Variants in ATP2B2 observed in about 807,000 individuals in gnomAD.
ATP2B2 encodes the protein plasma membrane calcium-transporting ATPase 2.
In ATP2B2, 15 loss-of-function variants were observed where a neutral mutation model predicts 120.0. The observed-to-expected ratio is 0.12, with a 90% CI of 0.08 to 0.19. The LOEUF (loss-of-function observed/expected upper bound fraction) is 0.19. Among genes scored for constraint, ATP2B2 ranks in the 10% least tolerant of loss-of-function variants. ATP2B2 has a pLI of 1.00. For missense variants in ATP2B2, 1,045 were observed against 1,719.8 expected (o/e 0.61, Z 6.94); for synonymous variants, 694 against 700.3 (o/e 0.99, Z 0.14).
At position 10,375,409 on chromosome 3, in the gene ATP2B2, C is replaced by A; in HGVS notation, c.1416+21G>T. ...GCTGCAGCTGCATCAGCCGGCTGGT[C>A]CTGCTCTCCTCCCCTCTCACCTTCA... is the stretch of plus-strand genomic sequence containing the variant. On this transcript the variant is annotated intron_variant, in intron 11 of 22. Transcript: ENST00000360273. The surrounding 1 kb of genome is among the most constrained non-coding windows in gnomAD (Gnocchi z 4.2). 6.3e-7 allele frequency: 1 copy of A among 1,598,670 alleles called. No individual in the cohort carries two copies. The highest frequency in any genetic ancestry group is 1.1e-5 in the South Asian group (1 of 90,728).
intron 5 of ATP2B2, among the ~76,000 whole-genome samples, chr3:10,389,156 T>C (rs560478465): frequency 7.9e-5 from 12 of 152,348 alleles, no homozygotes; most frequent in African/African-American, 2.9e-4. Flanking sequence ...ACCCTGACAT[T>C]CTTTCCAGGG....
At chr3:10,689,662 A>G (rs1365122042) in intron 1 of ATP2B2, among the ~76,000 whole-genome samples, 6 of 152,112 alleles carry the variant, frequency 3.9e-5, no homozygotes, top group Admixed American at 2.6e-4. Context: ...AGCTCTCACC[A>G]TCCTCCTCAT....
rs532305088 is a variant in ATP2B2 at position 10,635,505 on chromosome 3, C to G, written c.-459-15544G>C. Among the ~76,000 whole-genome samples, 6 of 152,264 alleles carry G rather than the reference C, an allele frequency of 3.9e-5. No individual in the cohort carries two copies. The South Asian group carries it at 1.2e-3, about 32-fold the overall frequency. ...CCATCCTGCTTACGTGCCAGAGACT[C>G]TAAAGCCCATCCTGTTCCCCTCTCC... is the stretch of plus-strand genomic sequence containing the variant. On this transcript the variant is annotated intron_variant, in intron 1 of 21. Coordinates refer to the ATP2B2 transcript ENST00000646379. This position sits in a 1 kb window ranked among gnomAD's most constrained non-coding sequence, Gnocchi z 4.3.
intron 2 of ATP2B2, among the ~76,000 whole-genome samples, chr3:10,446,577 G>T (rs1559348560): frequency 6.6e-6 from 1 of 152,186 alleles, no homozygotes; most frequent in Non-Finnish European, 1.5e-5. Context: ...GCAAAGCTGG[G>T]ATTTGAACCT....
intron 14 of ATP2B2, among the ~76,000 whole-genome samples, chr3:10,355,064 G>A (rs1280298049): frequency 6.6e-6 from 1 of 151,996 alleles, no homozygotes; most frequent in Non-Finnish European, 1.5e-5. Context: ...AGAGGGGGCA[G>A]GAATGACCTA....
rs1267757403 is a variant in ATP2B2 at position 10,653,702 on chromosome 3, C to G, written c.-459-33741G>C. On this transcript the variant is annotated intron_variant, in intron 1 of 21. Coordinates refer to the ATP2B2 transcript ENST00000646379. ...TTACTTGATCTAATCTTCACTCTAT[C>G]TCCATAAGGCATGTGCCATTATTGC... Among the ~76,000 whole-genome samples, 4 of 152,208 alleles carry G rather than the reference C, an allele frequency of 2.6e-5. No individual in the cohort carries two copies. In the South Asian group the frequency reaches 8.3e-4, roughly 32 times the overall value.
rs2060363272 is a variant in ATP2B2 at position 10,344,173 on chromosome 3, C to T, written c.2704-1208G>A. Among the ~76,000 whole-genome samples, 3 of 152,242 alleles carry T rather than the reference C, an allele frequency of 2.0e-5. No individual in the cohort carries two copies. The South Asian group carries it at 6.2e-4, about 32-fold the overall frequency. ...ATACCTCAGGGTCAAGTGTGCCCGT[C>T]TTCTTATCAATGCTGCATGGCCTCG... On this transcript the variant is annotated intron_variant, in intron 18 of 22. Transcript: ENST00000360273.
rs1398194870 is a variant in ATP2B2, at chr3:10,488,463, A to ATTCATTCCTTCCTTCC, written c.-320+17001_-320+17002insGGAAGGAAGGAATGAA. Among the ~76,000 whole-genome samples, 241 of 95,782 alleles carry ATTCATTCCTTCCTTCC rather than the reference A, an allele frequency of 2.5e-3. 1 individual carries two copies. The highest frequency in any genetic ancestry group is 8.4e-3 in the East Asian group (19 of 2,262). 62.8% of individuals were successfully genotyped at this position (95,782 alleles called of 152,430 possible). On this transcript the variant is annotated intron_variant, in intron 1 of 22. Transcript: ENST00000360273. ...CATCCATCCATCCACCACCCTACAAATTCCTTCCTTCCTTCCTTCCTTCCT... is the reference window on the plus strand; with the variant it reads ...CATCCATCCATCCACCACCCTACAAATTCATTCCTTCCTTCCTTCCTTCCTTCCTTCCTTCCTTCCT...
At chr3:10,436,992 G>A (rs2063499624) in intron 2 of ATP2B2, among the ~76,000 whole-genome samples, 1 of 152,148 alleles carries the variant, frequency 6.6e-6, no homozygotes, top group Admixed American at 6.5e-5. Context: ...TGCATTCTCT[G>A]TAACAATCTT....
chr3:10,544,226 T>C (rs2067497011), intron 2 of ATP2B2, among the ~76,000 whole-genome samples: 1 of 152,136 alleles, frequency 6.6e-6, no homozygotes, highest in Non-Finnish European at 1.5e-5. Flanking sequence ...AACAATTTTC[T>C]TAAAGGGAAA....
chr3:10,548,650 A>T (rs966907129), intron 2 of ATP2B2, among the ~76,000 whole-genome samples: 3 of 152,100 alleles, frequency 2.0e-5, no homozygotes, highest in Non-Finnish European at 2.9e-5. Flanking sequence ...GCTTGATAAC[A>T]CCTTGTTCCC....
rs1206543939 is a variant in ATP2B2, at chr3:10,346,503, G to A, written c.2405-366C>T. On this transcript the variant is annotated intron_variant, in intron 16 of 22. Transcript: ENST00000360273. The surrounding 1 kb of genome is among the most constrained non-coding windows in gnomAD (Gnocchi z 4.1). ...CCTCAGCAGGGCTCCCAGGGTTTCA[G>A]CAGGACCTCACCATCTGTTCCTCCC... Among the ~76,000 whole-genome samples, 2 of 152,220 alleles carry A rather than the reference G, an allele frequency of 1.3e-5. No individual in the cohort carries two copies. The highest frequency in any genetic ancestry group is 4.8e-5 in the African/African-American group (2 of 41,454).
chr3:10,502,492 G>A (rs1408892021), intron 1 of ATP2B2, among the ~76,000 whole-genome samples: 4 of 152,210 alleles, frequency 2.6e-5, no homozygotes, highest in Non-Finnish European at 5.9e-5. Context: ...CTTCTTGTCT[G>A]GGGCCTGAGA....
chr3:10,542,462 G>T (rs1034060430), intron 2 of ATP2B2, among the ~76,000 whole-genome samples: 1 of 152,126 alleles, frequency 6.6e-6, no homozygotes, highest in Non-Finnish European at 1.5e-5. Flanking sequence ...GATGTCCCAA[G>T]AATTCTTTTT....
intron 1 of ATP2B2, among the ~76,000 whole-genome samples, chr3:10,705,848 G>A (rs960824013): frequency 6.6e-6 from 1 of 152,174 alleles, no homozygotes; most frequent in Admixed American, 6.5e-5. Flanking sequence ...GACCTTCCTG[G>A]TTTATGCTCT....
At chr3:10,479,401 A>G (rs997933349) in intron 1 of ATP2B2, among the ~76,000 whole-genome samples, 3 of 151,686 alleles carry the variant, frequency 2.0e-5, no homozygotes, top group South Asian at 2.1e-4. Context: ...ATCATCACCT[A>G]GTAAACTCCT....
At chr3:10,495,311 C>A (rs922947994) in intron 1 of ATP2B2, among the ~76,000 whole-genome samples, 30 of 152,264 alleles carry the variant, frequency 2.0e-4, no homozygotes, top group African/African-American at 7.2e-4. Flanking sequence ...ACTCTGCAAC[C>A]TTGGTCAATT....
intron 2 of ATP2B2, among the ~76,000 whole-genome samples, chr3:10,421,765 C>G (rs1481849951): frequency 6.6e-6 from 1 of 152,202 alleles, no homozygotes. Context: ...CACTCTCCTA[C>G]CAAGCCACGG....
Position 10,375,360 on chromosome 3 carries a change from C to T in ATP2B2, c.1416+70G>A. On this transcript the variant is annotated intron_variant, in intron 11 of 22. Transcript: ENST00000360273. The surrounding 1 kb of genome is among the most constrained non-coding windows in gnomAD (Gnocchi z 4.2). ...TTCATCTCCCAACCCCAGCACCAGCCCCAGTGATTCCCCCAGGCCCTCAGC... is the reference window on the plus strand; with the variant it reads ...TTCATCTCCCAACCCCAGCACCAGCTCCAGTGATTCCCCCAGGCCCTCAGC... The T allele has an allele frequency of 7.3e-7, 1 of 1,370,416 alleles. No homozygotes were observed. Among genetic ancestry groups the T allele is most frequent in the Admixed American group, 1.7e-5 (1 of 59,198 alleles). The allele number at this position is 1,370,416 out of a possible 1,614,324, so 84.9% of individuals were successfully genotyped here.
Sources: allele counts gnomAD v4.1 joint callset (sites outside exome capture counted in the v4.1 genomes callset), GRCh38; gene constraint gnomAD v4.1.1; non-coding constraint Gnocchi (gnomAD v3.1); transcripts MANE v1.5; gene names NCBI Gene and HGNC (gene_info 2026-07-23, HGNC 2026-07-21).